The following LPP variants were observed in gnomAD, a reference collection of about 807,000 sequenced individuals.
LPP encodes lipoma-preferred partner.
LPP carries 38 observed loss-of-function variants against 60.4 expected under a neutral mutation model. The ratio of observed to expected loss-of-function variants is 0.63; its 90% CI spans 0.49 to 0.83. The LOEUF (loss-of-function observed/expected upper bound fraction) is 0.83, where lower values mean the gene tolerates loss of function less well. Among genes scored for constraint, LPP ranks in the 40% least tolerant of loss-of-function variants. The pLI, the probability that LPP is intolerant of heterozygous loss-of-function variation, is 0.00. For missense variants in LPP, 902 were observed against 783.6 expected (o/e 1.15, Z -1.80); for synonymous variants, 328 against 290.8 (o/e 1.13, Z -1.30).
intron 8 of LPP, among the ~76,000 whole-genome samples, chr3:188,713,902 CT>C (rs981385285): frequency 1.3e-5 from 2 of 152,048 alleles, no homozygotes; most frequent in African/African-American, 2.4e-5. Flanking sequence ...TTATCGTTTT[CT>C]TTTTTTCTTA....
chr3:188,406,431 C>T (rs1054399208), intron 4 of LPP, 118 bp downstream of exon 4: 7 of 925,656 alleles, frequency 7.6e-6, no homozygotes, highest in Non-Finnish European at 1.1e-5. Flanking sequence ...GCGTGGGTGT[C>T]ATAGGCTACT....
intron 2 of LPP, among the ~76,000 whole-genome samples, chr3:188,288,407 C>T (rs917931343): frequency 6.6e-6 from 1 of 152,166 alleles, no homozygotes; most frequent in Non-Finnish European, 1.5e-5. Flanking sequence ...GGTCTCCATT[C>T]TTAGAAATAG....
intron 3 of LPP, among the ~76,000 whole-genome samples, chr3:188,395,446 G>C (rs1380456333): frequency 2.0e-5 from 3 of 151,830 alleles, no homozygotes; most frequent in African/African-American, 7.3e-5. Flanking sequence ...GTGTTGCGCA[G>C]GCTGATCTCG....
At chr3:188,311,724 C>T (rs1753523037) in intron 2 of LPP, among the ~76,000 whole-genome samples, 1 of 151,870 alleles carries the variant, frequency 6.6e-6, no homozygotes, top group Non-Finnish European at 1.5e-5. Context: ...CTGCAACCTC[C>T]ATGTCCCGAA....
intron 1 of LPP, among the ~76,000 whole-genome samples, chr3:188,160,423 A>T (rs958646688): frequency 2.6e-5 from 4 of 151,496 alleles, no homozygotes; most frequent in Admixed American, 2.6e-4. Context: ...TGAACTCCTG[A>T]CCTCAGGTGA....
At chr3:188,357,703 T>A (rs1768019886) in intron 3 of LPP, among the ~76,000 whole-genome samples, 1 of 152,174 alleles carries the variant, frequency 6.6e-6, no homozygotes, top group South Asian at 2.1e-4. Flanking sequence ...AAAAATACAG[T>A]TTAAATAAAA....
intron 2 of LPP, among the ~76,000 whole-genome samples, chr3:188,324,368 T>C (rs533764291): frequency 6.6e-6 from 1 of 152,334 alleles, no homozygotes; most frequent in South Asian, 2.1e-4. Flanking sequence ...GCTCCACTGT[T>C]GTTCCTGTCT....
intron 7 of LPP, among the ~76,000 whole-genome samples, chr3:188,657,010 C>A (rs980774806): frequency 6.6e-6 from 1 of 151,962 alleles, no homozygotes; most frequent in Non-Finnish European, 1.5e-5. Flanking sequence ...ATTCTGTTAC[C>A]TCCTTTGAAG....
intron 1 of LPP, among the ~76,000 whole-genome samples, chr3:188,193,817 A>C (rs1056715463): frequency 6.6e-6 from 1 of 152,070 alleles, no homozygotes; most frequent in African/African-American, 2.4e-5. Context: ...TCCATTTTTA[A>C]ATTTTTCCTG....
Position 188,884,735 on chromosome 3 carries a change from C to T in LPP, c.*10256C>T, listed in dbSNP as rs951122124. ...CCTCTCTCCCATGAACCACGATGTA[C>T]GTTCCACAGAGGCAGAAACCGCCGT... On this transcript the variant is annotated 3_prime_UTR_variant, in exon 12 of 12. Transcript: ENST00000617246. 10 of 226,168 alleles carry T rather than the reference C, an allele frequency of 4.4e-5. No homozygotes were observed. The highest frequency in any genetic ancestry group is 1.8e-4 in the South Asian group (1 of 5,476). The allele number at this position is 226,168 out of a possible 1,614,324, so 14.0% of individuals were successfully genotyped here. A position where few individuals can be genotyped will look rare whatever the true frequency, so the allele number is the denominator to read the frequency against.
chr3:188,800,603 G>T (rs1746914548), intron 9 of LPP, among the ~76,000 whole-genome samples: 1 of 152,080 alleles, frequency 6.6e-6, no homozygotes, highest in Non-Finnish European at 1.5e-5. Flanking sequence ...GTGTATGTAT[G>T]TTTCCATTTT....
chr3:188,582,474 C>T (rs558115847), intron 6 of LPP, among the ~76,000 whole-genome samples: 12 of 152,178 alleles, frequency 7.9e-5, no homozygotes, highest in African/African-American at 2.9e-4. Flanking sequence ...AGCCACCGTG[C>T]CTGGGCTTGA....
intron 6 of LPP, among the ~76,000 whole-genome samples, chr3:188,560,055 T>G (rs1285442975): frequency 2.6e-5 from 4 of 152,150 alleles, no homozygotes; most frequent in African/African-American, 9.6e-5. Context: ...CTTTGAATGC[T>G]AGGAGGATAT....
intron 4 of LPP, among the ~76,000 whole-genome samples, chr3:188,440,594 G>A (rs1177324773): frequency 6.6e-6 from 1 of 152,086 alleles, no homozygotes; most frequent in Non-Finnish European, 1.5e-5. Context: ...AAAACATTAA[G>A]TAAAAATTAT....
chr3:188,438,825 T>C (rs1006252480), intron 4 of LPP, among the ~76,000 whole-genome samples: 1 of 152,230 alleles, frequency 6.6e-6, no homozygotes, highest in Non-Finnish European at 1.5e-5. Flanking sequence ...TTTAATTCTT[T>C]GTTTCTTAGA....
chr3:188,519,829 T>C (rs1818379991), intron 5 of LPP, among the ~76,000 whole-genome samples: 1 of 152,156 alleles, frequency 6.6e-6, no homozygotes, highest in South Asian at 2.1e-4. Flanking sequence ...CTCTGTGAAT[T>C]TAAATTTTTT....
intron 7 of LPP, among the ~76,000 whole-genome samples, chr3:188,641,442 A>G (rs531537214): frequency 2.0e-5 from 3 of 152,188 alleles, no homozygotes; most frequent in African/African-American, 4.8e-5. Context: ...CATAAATGTC[A>G]AATTTCAGTC....
intron 7 of LPP, among the ~76,000 whole-genome samples, chr3:188,631,284 A>C (rs1382778609): frequency 6.6e-6 from 1 of 152,220 alleles, no homozygotes. Flanking sequence ...AAGTTTGGAA[A>C]ACTGCCTTTA....
At chr3:188,843,199 A>G (rs1306137354) in intron 9 of LPP, among the ~76,000 whole-genome samples, 1 of 152,286 alleles carries the variant, frequency 6.6e-6, no homozygotes, top group African/African-American at 2.4e-5. Flanking sequence ...TATCAGTTCT[A>G]AGGGCCTCAG....
Sources: gnomAD v4.1 joint callset for allele counts (sites outside exome capture counted in the v4.1 genomes callset) on GRCh38, gnomAD v4.1.1 for gene constraint, MANE v1.5 for transcripts, NCBI Gene and HGNC (gene_info 2026-07-23, HGNC 2026-07-21) for gene names.